Variants in SAMD13 observed in about 807,000 individuals in gnomAD.
The protein encoded by SAMD13 is sterile alpha motif domain containing 13, also known as sterile alpha motif domain-containing protein 13.
A neutral mutation model predicts 12.4 loss-of-function variants in SAMD13; 9 were observed. The ratio of observed to expected loss-of-function variants is 0.72; its 90% CI spans 0.44 to 1.26. The LOEUF (loss-of-function observed/expected upper bound fraction) is 1.26, where lower values mean the gene tolerates loss of function less well. SAMD13 is among the 50% of genes most tolerant of loss of function. The pLI is 0.00. For missense variants in SAMD13, 84 were observed against 119.6 expected (o/e 0.70, Z 1.39); for synonymous variants, 46 against 45.4 (o/e 1.01, Z -0.05).
At chr1:84,324,131 G>T (rs1009016048) in intron 2 of SAMD13, among the ~76,000 whole-genome samples, 1 of 152,080 alleles carries the variant, frequency 6.6e-6, no homozygotes, top group Admixed American at 6.6e-5. Flanking sequence ...CCTAGTCTAC[G>T]CATGATCTCT....
rs1015898091 is a variant in SAMD13 at position 84,338,856 on chromosome 1, A to T, written c.166-10775A>T. ...CCTCCCACTGGGCCCCTCCCACAACATGTGGGAATTCAAGACGAGATCTGG... is the reference window on the plus strand; with the variant it reads ...CCTCCCACTGGGCCCCTCCCACAACTTGTGGGAATTCAAGACGAGATCTGG... On this transcript the variant is annotated intron_variant, in intron 3 of 3. Coordinates refer to ENST00000394834, the MANE Select transcript of SAMD13 (RefSeq NM_001134663.2). Among the ~76,000 whole-genome samples the T allele has an allele frequency of 5.3e-5, 8 of 152,096 alleles. No homozygotes were observed. The South Asian group carries it at 1.7e-3, about 32-fold the overall frequency.
rs939775902 is a variant in SAMD13 at position 84,350,552 on chromosome 1, A to G, written c.*778A>G. 8 of 152,728 alleles carry G rather than the reference A, an allele frequency of 5.2e-5. No individual in the cohort carries two copies. The highest frequency in any genetic ancestry group is 1.7e-4 in the African/African-American group (7 of 41,560). The allele number at this position is 152,728 out of a possible 1,614,324, so 9.5% of individuals were successfully genotyped here. Reference sequence around the variant, plus strand: ...AATTTGTTTCTGAAGAAATTTGCCGAGAGTTACAGGTCAAAAAGCCTTGTT... The same window carrying G: ...AATTTGTTTCTGAAGAAATTTGCCGGGAGTTACAGGTCAAAAAGCCTTGTT... On this transcript the variant is annotated 3_prime_UTR_variant, in exon 4 of 4. Coordinates refer to ENST00000394834, the MANE Select transcript of SAMD13 (RefSeq NM_001134663.2).
intron 1 of SAMD13, chr1:84,302,725 T>C: frequency 1.0e-6 from 1 of 978,850 alleles, no homozygotes; most frequent in Non-Finnish European, 1.2e-6. Flanking sequence ...GCTTTAAGTG[T>C]CCTTCTGCAT....
At chr1:84,308,018 T>C (rs537961103) in intron 2 of SAMD13, among the ~76,000 whole-genome samples, 2 of 152,246 alleles carry the variant, frequency 1.3e-5, no homozygotes, top group South Asian at 4.1e-4. Flanking sequence ...GTTCTCTTTT[T>C]TTGTAGCTCT....
At chr1:84,306,386 T>G (rs1458422031) in intron 2 of SAMD13, among the ~76,000 whole-genome samples, 1 of 152,168 alleles carries the variant, frequency 6.6e-6, no homozygotes, top group African/African-American at 2.4e-5. Context: ...CACCACATTT[T>G]GTAACATAGA....
At chr1:84,300,740 C>T (rs1678437307), upstream of SAMD13, among the ~76,000 whole-genome samples, 1 of 152,174 alleles carries the variant, frequency 6.6e-6, no homozygotes, top group Non-Finnish European at 1.5e-5. Context: ...TTAAGCCAAG[C>T]AAGGGAACTG....
chr1:84,328,366 A>G (rs549077248), intron 3 of SAMD13, among the ~76,000 whole-genome samples: 2 of 152,184 alleles, frequency 1.3e-5, no homozygotes, highest in African/African-American at 2.4e-5. Flanking sequence ...CAACCTGCCA[A>G]CTCGGAAGCC....
chr1:84,312,330 C>T (rs1057424393), intron 2 of SAMD13, among the ~76,000 whole-genome samples: 3 of 151,778 alleles, frequency 2.0e-5, no homozygotes, highest in Non-Finnish European at 2.9e-5. Flanking sequence ...TACCTTCTTT[C>T]GGTCCCTTTT....
intron 2 of SAMD13, among the ~76,000 whole-genome samples, chr1:84,325,237 G>C (rs180948811): frequency 1.3e-4 from 20 of 152,282 alleles, no homozygotes; most frequent in Middle Eastern, 3.4e-3. Flanking sequence ...AGAATGTGCA[G>C]AGGCTCAGAT....
At chr1:84,328,301 C>T (rs1679101973) in intron 3 of SAMD13, among the ~76,000 whole-genome samples, 1 of 152,206 alleles carries the variant, frequency 6.6e-6, no homozygotes, top group African/African-American at 2.4e-5. Flanking sequence ...TCTTCTAAAG[C>T]ATTTCATTCA....
intron 2 of SAMD13, among the ~76,000 whole-genome samples, chr1:84,305,042 A>G (rs890764282): frequency 5.3e-5 from 8 of 152,126 alleles, no homozygotes; most frequent in African/African-American, 1.9e-4. Flanking sequence ...TTACTTAGGA[A>G]TGGAATTGGT....
intron 2 of SAMD13, among the ~76,000 whole-genome samples, chr1:84,306,658 AAAAAAG>A (rs1407188860): frequency 3.5e-5 from 5 of 143,946 alleles, no homozygotes; most frequent in South Asian, 4.5e-4. Context: ...AAAAAAAAAA[AAAAAAG>A]AGAGAGAGAG....
intron 2 of SAMD13, among the ~76,000 whole-genome samples, chr1:84,318,827 A>G (rs1415307328): frequency 1.3e-5 from 2 of 152,298 alleles, no homozygotes; most frequent in East Asian, 3.9e-4. Flanking sequence ...ATTCCCTTCA[A>G]TTAAATGATA....
rs1297679064 is a variant in SAMD13 at position 84,322,544 on chromosome 1, AC to A, written c.54-3091del. 8.5e-5 allele frequency among the ~76,000 whole-genome samples: 13 copies of A among 152,306 alleles called. 1 individual carries two copies. The South Asian group carries it at 1.7e-3, about 19-fold the overall frequency. ...ATACTTTGCTGTGTATCAACTGTGC[AC>A]CAGTCAGACTGTGCTAGGTGCTGGT... On this transcript the variant is annotated intron_variant, in intron 2 of 3. Transcript: ENST00000394834.
intron 3 of SAMD13, chr1:84,345,100 C>T (rs1679508961): frequency 6.6e-6 from 3 of 456,542 alleles, no homozygotes; most frequent in South Asian, 4.6e-5. Flanking sequence ...AGTACCTCTA[C>T]CTCTGAGACA....
chr1:84,305,483 A>G (rs1193685501), intron 2 of SAMD13, among the ~76,000 whole-genome samples: 1 of 152,134 alleles, frequency 6.6e-6, no homozygotes, highest in Non-Finnish European at 1.5e-5. Flanking sequence ...CTTTCAAAGT[A>G]TCAAAGTTTT....
chr1:84,315,193 C>T (rs1328818557), intron 2 of SAMD13, among the ~76,000 whole-genome samples: 2 of 152,100 alleles, frequency 1.3e-5, no homozygotes, highest in African/African-American at 4.8e-5. Flanking sequence ...ATCGCTAAAA[C>T]GTATCCATCT....
chr1:84,333,239 T>C (rs200351940), intron 3 of SAMD13, among the ~76,000 whole-genome samples: 2 of 152,332 alleles, frequency 1.3e-5, no homozygotes, highest in East Asian at 3.9e-4. Flanking sequence ...TCTCCAGTTC[T>C]GTGAAGAATG....
At chr1:84,302,182 T>C (rs1678465209) in intron 1 of SAMD13, among the ~76,000 whole-genome samples, 2 of 152,146 alleles carry the variant, frequency 1.3e-5, no homozygotes, top group African/African-American at 4.8e-5. Flanking sequence ...TCTCTAACAG[T>C]GATAAAATCT....
Sources: allele counts gnomAD v4.1 joint callset (sites outside exome capture counted in the v4.1 genomes callset), GRCh38; gene constraint gnomAD v4.1.1; transcripts MANE v1.5; gene names NCBI Gene and HGNC (gene_info 2026-07-23, HGNC 2026-07-21).